Variants in DNAAF11 observed in about 807,000 individuals in gnomAD.
DNAAF11 encodes dynein axonemal assembly factor 11.
In DNAAF11, 45 loss-of-function variants were observed where a neutral mutation model predicts 60.8. The observed-to-expected ratio is 0.74, with a 90% CI of 0.58 to 0.95. The LOEUF (loss-of-function observed/expected upper bound fraction) is 0.95, where lower values mean the gene tolerates loss of function less well. Among genes scored for constraint, DNAAF11 ranks in the 40% least tolerant of loss-of-function variants. The pLI is 0.00. For synonymous variants in DNAAF11, 191 were observed against 183.5 expected (o/e 1.04, Z -0.33); for missense variants, 546 against 546.2 (o/e 1.00, Z 0.00).
At position 132,633,034 on chromosome 8, in the gene DNAAF11, T is replaced by C; in HGVS notation, c.430-71A>G. ...GTGTGAATCAGCCCCAGGTTGATTT[T>C]GATTAGAAATAATAATATACCCGAT... On this transcript the variant is annotated intron_variant, in intron 4 of 11. Transcript: ENST00000620350. 3.3e-6 allele frequency: 3 copies of C among 912,544 alleles called. No individual in the cohort carries two copies. In the Admixed American group the frequency reaches 6.7e-5, roughly 20 times the overall value. The allele number at this position is 912,544 out of a possible 1,614,324, so 56.5% of individuals were successfully genotyped here.
intron 4 of DNAAF11, 150 bp downstream of exon 4, chr8:132,637,785 G>A: frequency 1.7e-6 from 1 of 588,538 alleles, no homozygotes; most frequent in Non-Finnish European, 2.9e-6. Context: ...CAATATTAAA[G>A]GTCTAGCCAT....
At chr8:132,693,508 A>G in the DNAAF11 span, among the ~76,000 whole-genome samples, 1 of 151,720 alleles carries the variant, frequency 6.6e-6, no homozygotes, top group Non-Finnish European at 1.5e-5. Flanking sequence ...GGTACTGGGC[A>G]CTGTTCTTGG....
At chr8:132,641,366 T>G (rs1435976651) in intron 3 of DNAAF11, among the ~76,000 whole-genome samples, 1 of 152,224 alleles carries the variant, frequency 6.6e-6, no homozygotes, top group East Asian at 1.9e-4. Context: ...TACTTGATGT[T>G]CTTCTTTTTT....
intron 10 of DNAAF11, among the ~76,000 whole-genome samples, chr8:132,601,760 C>T (rs1484652742): frequency 5.3e-5 from 8 of 151,720 alleles, no homozygotes; most frequent in Admixed American, 1.3e-4. Flanking sequence ...CATCACATAC[C>T]GGGGCCTGTC....
intron 1 of DNAAF11, among the ~76,000 whole-genome samples, chr8:132,663,339 C>A (rs954523407): frequency 6.6e-6 from 1 of 152,172 alleles, no homozygotes; most frequent in Non-Finnish European, 1.5e-5. Context: ...ATCCTCCTAA[C>A]CAAAGTTGGT....
chr8:132,674,147 A>AG (rs1825502024), intron 1 of DNAAF11, among the ~76,000 whole-genome samples: 1 of 32,124 alleles, frequency 3.1e-5, no homozygotes. Flanking sequence ...AGGAGGAGGA[A>AG]GAGGAGGAGG....
intron 5 of DNAAF11, among the ~76,000 whole-genome samples, chr8:132,626,936 C>T (rs1178779884): frequency 6.6e-6 from 1 of 151,990 alleles, no homozygotes; most frequent in Non-Finnish European, 1.5e-5. Flanking sequence ...GTGAAAGATA[C>T]TTTTCAAAGG....
At position 132,572,374 on chromosome 8, in the gene DNAAF11, G is replaced by T. The variant is rs1211573888; in HGVS notation, c.1333C>A (p.Pro445Thr). The T allele has an allele frequency of 6.2e-7, 1 of 1,613,980 alleles. No homozygotes were observed. The highest frequency in any genetic ancestry group is 8.5e-7 in the Non-Finnish European group (1 of 1,179,926). The change falls in exon 12 of 12, where the codon CCC (proline) becomes ACC (threonine). Residue 445 changes from proline to threonine, a missense_variant. By Grantham distance (38) the Pro-to-Thr change is conservative. Coordinates refer to ENST00000620350, the MANE Select transcript of DNAAF11 (RefSeq NM_012472.6). ...KKHTPRRRPE[P>T]KIIPSEEDPT... is the part of the protein sequence containing the mutation. ...TCTTCCTCACTTGGTATAATTTTGG[G>T]TTCAGGTCGTCTTCTGGGTGTGTGT...
At chr8:132,581,649 G>A (rs1008789927) in intron 11 of DNAAF11, among the ~76,000 whole-genome samples, 17 of 130,032 alleles carry the variant, frequency 1.3e-4, no homozygotes, top group Non-Finnish European at 1.9e-4. Context: ...TGACAAGAGC[G>A]AGACTCTGCC....
At chr8:132,591,057 T>C (rs1308706205) in intron 10 of DNAAF11, among the ~76,000 whole-genome samples, 1 of 152,232 alleles carries the variant, frequency 6.6e-6, no homozygotes, top group Admixed American at 6.5e-5. Context: ...ACATAAATTG[T>C]ATATTGTATG....
chr8:132,637,333 C>G (rs1163738409), intron 4 of DNAAF11, among the ~76,000 whole-genome samples: 1 of 152,202 alleles, frequency 6.6e-6, no homozygotes, highest in Non-Finnish European at 1.5e-5. Flanking sequence ...CTGCCGGGCA[C>G]GGTGGCTCAT....
intron 10 of DNAAF11, among the ~76,000 whole-genome samples, chr8:132,603,810 G>A (rs923086956): frequency 6.6e-6 from 1 of 152,114 alleles, no homozygotes; most frequent in Admixed American, 6.6e-5. Context: ...AAGATTCAGA[G>A]AGGTGACATT....
intron 2 of DNAAF11, among the ~76,000 whole-genome samples, chr8:132,660,922 T>C (rs1824069735): frequency 1.3e-5 from 2 of 152,204 alleles, no homozygotes; most frequent in African/African-American, 2.4e-5. Context: ...GCTTTATCAG[T>C]TATAATACTG....
intron 3 of DNAAF11, among the ~76,000 whole-genome samples, chr8:132,638,475 C>T (rs905387840): frequency 1.3e-5 from 2 of 152,152 alleles, no homozygotes; most frequent in African/African-American, 4.8e-5. Flanking sequence ...AACAAAACTC[C>T]TACTACAGAG....
rs184531405 is a variant in DNAAF11 at position 132,622,578 on chromosome 8, T to C, written c.914+33A>G. ...GACCAACACCATTGACTGACACTTT[T>C]GGGTCTTTAACGCTCTATTTGGCCT... On this transcript the variant is annotated intron_variant, in intron 7 of 11. Transcript: ENST00000620350. 6.1e-5 allele frequency: 93 copies of C among 1,519,866 alleles called. 1 individual carries two copies. The Admixed American group carries it at 1.3e-3, about 21-fold the overall frequency. 94.1% of individuals were successfully genotyped at this position (1,519,866 alleles called of 1,614,324 possible).
chr8:132,648,245 C>G (rs1244780114), intron 3 of DNAAF11, among the ~76,000 whole-genome samples: 3 of 152,100 alleles, frequency 2.0e-5, no homozygotes, highest in African/African-American at 7.2e-5. Flanking sequence ...ATAAACACAA[C>G]CAAAGACAAA....
intron 10 of DNAAF11, among the ~76,000 whole-genome samples, chr8:132,589,246 G>A (rs978054760): frequency 3.2e-4 from 48 of 152,162 alleles, no homozygotes; most frequent in African/African-American, 1.1e-3. Context: ...AGCAGAGACA[G>A]GAAAGTAAAT....
intron 10 of DNAAF11, among the ~76,000 whole-genome samples, chr8:132,597,830 C>T (rs1817180875): frequency 6.6e-6 from 1 of 152,088 alleles, no homozygotes; most frequent in African/African-American, 2.4e-5. Flanking sequence ...TACTTTTGAT[C>T]CTCAACAATT....
intron 3 of DNAAF11, among the ~76,000 whole-genome samples, chr8:132,655,992 T>C (rs1191681176): frequency 1.3e-5 from 2 of 152,218 alleles, no homozygotes; most frequent in African/African-American, 4.8e-5. Flanking sequence ...GGAATTCCAT[T>C]TCTAAGTGTC....
Sources: gnomAD v4.1 joint callset for allele counts (sites outside exome capture counted in the v4.1 genomes callset) on GRCh38, gnomAD v4.1.1 for gene constraint, MANE v1.5 for transcripts, NCBI Gene and HGNC (gene_info 2026-07-23, HGNC 2026-07-21) for gene names.